Variants in ORC3 observed in about 807,000 individuals in gnomAD.
The protein encoded by ORC3 is homolog of latheo, Drosophila.
In ORC3, 78 loss-of-function variants were observed where a neutral mutation model predicts 100.7. The observed-to-expected ratio is 0.77, with a 90% CI of 0.65 to 0.94. The LOEUF is 0.94. Ranked by LOEUF, ORC3 falls within the 40% of genes least tolerant of loss-of-function variation. The pLI is 0.00. For missense variants in ORC3, 789 were observed against 823.9 expected (o/e 0.96, Z 0.52); for synonymous variants, 295 against 289.3 (o/e 1.02, Z -0.20).
chr6:87,666,608 T>C (rs1380586022), intron 19 of ORC3, among the ~76,000 whole-genome samples: 1 of 151,432 alleles, frequency 6.6e-6, no homozygotes, highest in East Asian at 1.9e-4. Context: ...CTGGCTAATT[T>C]TTGTATTTTT....
intron 8 of ORC3, 149 bp downstream of exon 8, chr6:87,612,397 A>G (rs1163545295): frequency 2.1e-6 from 1 of 475,084 alleles, no homozygotes; most frequent in African/African-American, 2.0e-5. Flanking sequence ...TTTTTACTTA[A>G]TAATTTTTGT....
At chr6:87,658,122 G>A in intron 16 of ORC3, 104 bp downstream of exon 16, 1 of 634,864 alleles carries the variant, frequency 1.6e-6, no homozygotes, top group Non-Finnish European at 2.8e-6. Flanking sequence ...TTTCTCCTAG[G>A]TTAGGCTTTA....
chr6:87,616,764 C>G (rs1216460709), intron 9 of ORC3, among the ~76,000 whole-genome samples: 3 of 151,376 alleles, frequency 2.0e-5, no homozygotes, highest in African/African-American at 7.3e-5. Flanking sequence ...TATAAGGGGT[C>G]AGCAAACTTC....
chr6:87,593,464 C>G (rs1284949533), intron 1 of ORC3, among the ~76,000 whole-genome samples: 1 of 152,160 alleles, frequency 6.6e-6, no homozygotes, highest in Non-Finnish European at 1.5e-5. Context: ...ACTGAGAGAT[C>G]TCGAGGAAAG....
At position 87,634,879 on chromosome 6, in the gene ORC3, T is replaced by G. The variant is rs748356726; in HGVS notation, c.1220T>G (p.Val407Gly). The change falls in exon 12 of 20, where the codon GTT becomes GGT. Residue 407 changes from valine to glycine, a missense_variant. Around this residue, in one of 3 missense-constraint regions of ORC3, gnomAD observed 366 missense variants for 394.2 expected, o/e 0.93. Coordinates refer to ENST00000392844, the MANE Select transcript of ORC3 (RefSeq NM_012381.4). ...CAATTATTACTAGAAAACCTGCATG[T>G]TTATCATATGAATTACTTCCTGGTT... ...ETQLLLENLH[V>G]YHMNYFLVLR... is the part of the protein sequence containing the mutation. 1 of 1,596,066 alleles carries G rather than the reference T, an allele frequency of 6.3e-7. No individual in the cohort carries two copies. The highest frequency in any genetic ancestry group is 2.2e-5 in the East Asian group (1 of 44,784).
intron 9 of ORC3, among the ~76,000 whole-genome samples, chr6:87,620,347 ATT>A (rs999135162): frequency 6.6e-6 from 1 of 152,200 alleles, no homozygotes; most frequent in African/African-American, 2.4e-5. Flanking sequence ...GTTGCTTTCT[ATT>A]TTGTACTTGT....
intron 11 of ORC3, among the ~76,000 whole-genome samples, chr6:87,627,005 TA>T (rs1317405026): frequency 3.9e-5 from 6 of 151,934 alleles, no homozygotes; most frequent in African/African-American, 1.2e-4. Context: ...TATTTTATTT[TA>T]TTTTTTTTGA....
the ORC3 span, chr6:87,675,379 G>T: frequency 3.3e-6 from 2 of 603,150 alleles, no homozygotes; most frequent in Non-Finnish European, 6.0e-6. Flanking sequence ...GAGGCCACTG[G>T]TATTAATACA....
At chr6:87,650,907 T>G in intron 13 of ORC3, 2 of 299,758 alleles carry the variant, frequency 6.7e-6, no homozygotes, top group South Asian at 6.2e-5. Context: ...CTCGGGAGGT[T>G]GAGGCAGGAG....
intron 9 of ORC3, among the ~76,000 whole-genome samples, 200 bp from the exon 10 acceptor site, chr6:87,621,154 T>G (rs748428287): frequency 1.3e-5 from 2 of 151,894 alleles, no homozygotes; most frequent in Non-Finnish European, 2.9e-5. Context: ...TCTGACCTTC[T>G]TCACAGAATT....
chr6:87,656,880 G>T, intron 14 of ORC3, 26 bp from the exon 15 acceptor site: 1 of 1,541,850 alleles, frequency 6.5e-7, no homozygotes, highest in Non-Finnish European at 8.9e-7. Context: ...CCTCATTGAT[G>T]TCTACTGGTT....
chr6:87,591,426 A>G (rs1224288687), intron 1 of ORC3, among the ~76,000 whole-genome samples: 1 of 152,236 alleles, frequency 6.6e-6, no homozygotes, highest in East Asian at 1.9e-4. Context: ...CATCTCAAGG[A>G]AAAAGGACAA....
At chr6:87,624,262 T>C (rs1285476307) in intron 11 of ORC3, among the ~76,000 whole-genome samples, 1 of 152,090 alleles carries the variant, frequency 6.6e-6, no homozygotes, top group African/African-American at 2.4e-5. Flanking sequence ...GGTGGACGGA[T>C]CACTTGAAGT....
intron 2 of ORC3, 84 bp from the exon 3 acceptor site, chr6:87,601,700 C>T: frequency 3.8e-6 from 3 of 783,632 alleles, no homozygotes; most frequent in Non-Finnish European, 6.3e-6. Flanking sequence ...ACTTCTGTCA[C>T]TTACTGTGTA....
chr6:87,622,272 TTAGA>T (rs1779592373), intron 11 of ORC3, among the ~76,000 whole-genome samples: 1 of 152,128 alleles, frequency 6.6e-6, no homozygotes, highest in African/African-American at 2.4e-5. Flanking sequence ...GAAAGCACCT[TTAGA>T]TCTATAGAGA....
chr6:87,634,942 A>T lies in ORC3; in HGVS notation c.1283A>T (p.Lys428Met), dbSNP rs1767701422. 1 of 1,550,596 alleles carries T rather than the reference A, an allele frequency of 6.4e-7. No homozygotes were observed. Among genetic ancestry groups the T allele is most frequent in the Non-Finnish European group, 8.9e-7 (1 of 1,122,348 alleles). The change falls in exon 12 of 20, where the codon AAG (lysine) becomes ATG (methionine). Residue 428 changes from lysine to methionine, a missense_variant. Lys to Met is a moderately conservative substitution (Grantham distance 95). Transcript: ENST00000392844. ...CATAAGTTCACCTCTTCTCTTCCCA[A>T]GTATCCACTAGGTCGACAGGTAATC... ...CLHKFTSSLP[K>M]YPLGRQIREL... is the part of the protein sequence containing the mutation.
intron 16 of ORC3, among the ~76,000 whole-genome samples, chr6:87,658,435 C>CAACG (rs1173046242): frequency 1.4e-5 from 2 of 145,474 alleles, no homozygotes; most frequent in African/African-American, 5.1e-5. Flanking sequence ...CCAGCCTGGG[C>CAACG]AACGGTGCAA....
chr6:87,675,427 G>T, the ORC3 span: 1 of 823,508 alleles, frequency 1.2e-6, no homozygotes, highest in Non-Finnish European at 2.0e-6. Flanking sequence ...ACTGACATCA[G>T]GGAAATTTCC....
chr6:87,615,722 A>T (rs905074924), intron 8 of ORC3, among the ~76,000 whole-genome samples: 1 of 152,234 alleles, frequency 6.6e-6, no homozygotes, highest in African/African-American at 2.4e-5. Context: ...AAACTTGGTT[A>T]TAGCCAAGTT....
Sources: allele counts gnomAD v4.1 joint callset (sites outside exome capture counted in the v4.1 genomes callset), GRCh38; gene constraint gnomAD v4.1.1; regional missense constraint gnomAD v4.1.1; transcripts MANE v1.5; gene names NCBI Gene and HGNC (gene_info 2026-07-23, HGNC 2026-07-21).